CTNNA3: variants seen among roughly 807,000 people sequenced by gnomAD.
The protein encoded by CTNNA3 is catenin alpha-3.
A neutral mutation model predicts 95.7 loss-of-function variants in CTNNA3; 76 were observed. The observed-to-expected ratio is 0.79, with a 90% confidence interval of 0.66 to 0.96. The LOEUF is 0.96. Ranked by LOEUF, CTNNA3 falls within the 40% of genes least tolerant of loss-of-function variation. The pLI, the probability that CTNNA3 is intolerant of heterozygous loss-of-function variation, is 0.00. For synonymous variants in CTNNA3, 431 were observed against 374.4 expected (o/e 1.15, Z -1.74); for missense variants, 1,191 against 1,089.8 (o/e 1.09, Z -1.31).
chr10:66,318,905 G>T (rs886675069), intron 12 of CTNNA3, among the ~76,000 whole-genome samples: 1 of 149,514 alleles, frequency 6.7e-6, no homozygotes, highest in Admixed American at 6.7e-5. Context: ...GCACCTTAAA[G>T]GTAGAAGTAT....
intron 15 of CTNNA3, among the ~76,000 whole-genome samples, chr10:66,051,830 T>C (rs1230580712): frequency 6.6e-6 from 1 of 152,158 alleles, no homozygotes; most frequent in Admixed American, 6.5e-5. Context: ...TAAGAAATAT[T>C]CTCCTGCAGA....
chr10:67,502,361 C>T (rs982027599), intron 5 of CTNNA3, among the ~76,000 whole-genome samples: 1 of 152,172 alleles, frequency 6.6e-6, no homozygotes, highest in African/African-American at 2.4e-5. Context: ...CAGAGGGGCA[C>T]CTGCCAGATG....
intron 5 of CTNNA3, among the ~76,000 whole-genome samples, chr10:67,268,959 G>C (rs1257902723): frequency 1.3e-5 from 2 of 152,082 alleles, no homozygotes; most frequent in Admixed American, 6.6e-5. Flanking sequence ...ATCATTCAGA[G>C]AACCGTGGTC....
chr10:66,381,892 A>C (rs148467475), intron 11 of CTNNA3, among the ~76,000 whole-genome samples: 10 of 152,274 alleles, frequency 6.6e-5, no homozygotes, highest in African/African-American at 1.2e-4. Context: ...AAGGTATAGT[A>C]ATCATCAATT....
chr10:66,178,069 A>G (rs1158382199), intron 13 of CTNNA3, among the ~76,000 whole-genome samples: 1 of 151,758 alleles, frequency 6.6e-6, no homozygotes. Flanking sequence ...ATTAATGCAA[A>G]GATCCTACAA....
chr10:67,700,738 C>T (rs997179583), upstream of CTNNA3, among the ~76,000 whole-genome samples: 15 of 152,176 alleles, frequency 9.9e-5, no homozygotes, highest in South Asian at 4.1e-4. Context: ...TCCAAAGGAA[C>T]GCAGCTCCTC....
At chr10:66,241,788 C>T (rs1386761786) in intron 13 of CTNNA3, among the ~76,000 whole-genome samples, 1 of 151,768 alleles carries the variant, frequency 6.6e-6, no homozygotes, top group Non-Finnish European at 1.5e-5. Flanking sequence ...AAGCAAAAAA[C>T]CTATGTAAAA....
chr10:67,410,844 A>G (rs554606709), intron 5 of CTNNA3, among the ~76,000 whole-genome samples: 1 of 152,282 alleles, frequency 6.6e-6, no homozygotes, highest in Non-Finnish European at 1.5e-5. Context: ...TGTGTTATAT[A>G]TACACAGGGG....
At chr10:67,102,207 C>T (rs1418428309) in intron 7 of CTNNA3, among the ~76,000 whole-genome samples, 1 of 151,644 alleles carries the variant, frequency 6.6e-6, no homozygotes, top group Non-Finnish European at 1.5e-5. Flanking sequence ...AGGGAGGCGC[C>T]AAGTACAAAG....
chr10:66,602,253 C>A (rs1371432091), intron 10 of CTNNA3, among the ~76,000 whole-genome samples: 1 of 151,868 alleles, frequency 6.6e-6, no homozygotes, highest in East Asian at 1.9e-4. Flanking sequence ...CATCCTACTA[C>A]AAATGACATT....
chr10:66,096,768 C>T (rs1455100100), intron 14 of CTNNA3, among the ~76,000 whole-genome samples: 2 of 152,090 alleles, frequency 1.3e-5, no homozygotes, highest in Non-Finnish European at 2.9e-5. Flanking sequence ...AAGTGATCCA[C>T]CCACCTCAGC....
chr10:67,726,574 T>C (rs111217093), intron 1 of CTNNA3, among the ~76,000 whole-genome samples: 1 of 71,324 alleles, frequency 1.4e-5, no homozygotes, highest in Non-Finnish European at 2.3e-5. Flanking sequence ...ATATATTACA[T>C]ATTATATAAT....
At chr10:67,445,602 G>T (rs1020524476) in intron 5 of CTNNA3, among the ~76,000 whole-genome samples, 3 of 152,060 alleles carry the variant, frequency 2.0e-5, no homozygotes, top group Non-Finnish European at 4.4e-5. Context: ...CCAAACTGTT[G>T]TACCGGGGAT....
chr10:66,285,550 CATCACAGTA>C lies in CTNNA3; in HGVS notation c.1733-4938_1733-4930del, dbSNP rs1177684871. Among the ~76,000 whole-genome samples, 6 of 151,906 alleles carry C rather than the reference CATCACAGTA, an allele frequency of 3.9e-5. No homozygotes were observed. The East Asian group carries it at 9.7e-4, about 25-fold the overall frequency. On this transcript the variant is annotated intron_variant, in intron 12 of 17. Coordinates refer to ENST00000433211, the MANE Select transcript of CTNNA3 (RefSeq NM_013266.4). ...CTCACATCATTTTCTAATTTGTTTA[CATCACAGTA>C]ATCATTTACACAAATGTGACTACTT...
chr10:66,910,310 G>GA (rs1846167624), intron 7 of CTNNA3, among the ~76,000 whole-genome samples: 2 of 152,174 alleles, frequency 1.3e-5, no homozygotes, highest in Admixed American at 1.3e-4. Flanking sequence ...ATTTAAGCCA[G>GA]ATGGTAAATA....
At chr10:66,488,773 G>A (rs1839822613) in intron 11 of CTNNA3, among the ~76,000 whole-genome samples, 1 of 152,074 alleles carries the variant, frequency 6.6e-6, no homozygotes, top group African/African-American at 2.4e-5. Flanking sequence ...CATCATAGGA[G>A]CTAGAGATTT....
chr10:67,188,324 G>A (rs895995388), intron 6 of CTNNA3, among the ~76,000 whole-genome samples: 5 of 151,986 alleles, frequency 3.3e-5, no homozygotes, highest in East Asian at 1.9e-4. Flanking sequence ...AGTGAAACCC[G>A]TTTCTACAAA....
intron 9 of CTNNA3, among the ~76,000 whole-genome samples, chr10:66,736,352 A>ATT (rs567734648): frequency 5.5e-5 from 8 of 145,330 alleles, no homozygotes; most frequent in South Asian, 2.2e-4. Context: ...CACCCGGCTA[A>ATT]TTTTTTTTTT....
chr10:65,937,214 GCCTCCC>G (rs1167402243), intron 17 of CTNNA3, among the ~76,000 whole-genome samples: 2 of 151,920 alleles, frequency 1.3e-5, no homozygotes, highest in Non-Finnish European at 2.9e-5. Flanking sequence ...CATTGAAATA[GCCTCCC>G]ATTGGTCTCA....
Sources: gnomAD v4.1 joint callset for allele counts (sites outside exome capture counted in the v4.1 genomes callset) on GRCh38, gnomAD v4.1.1 for gene constraint, MANE v1.5 for transcripts, NCBI Gene and HGNC (gene_info 2026-07-23, HGNC 2026-07-21) for gene names.